DGKB: variants seen among roughly 807,000 people sequenced by gnomAD.
DGKB encodes 90 kDa diacylglycerol kinase.
A neutral mutation model predicts 114.3 loss-of-function variants in DGKB; 67 were observed. That is an observed-to-expected ratio of 0.59 (90% confidence interval 0.48 to 0.72). The LOEUF is 0.72. Ranked by LOEUF, DGKB falls within the 30% of genes least tolerant of loss-of-function variation. The probability of loss-of-function intolerance (pLI) is 0.00; values close to 1 mark genes in which losing one functional copy is unlikely to be tolerated. For synonymous variants in DGKB, 398 were observed against 323.1 expected, an observed-to-expected ratio of 1.23 and a Z score of -2.49; for missense variants, 907 against 975.2, an observed-to-expected ratio of 0.93 and a Z score of 0.93.
chr7:14,955,774 G>A (rs1203629139), intron 1 of DGKB, among the ~76,000 whole-genome samples: 1 of 152,056 alleles, frequency 6.6e-6, no homozygotes, highest in Non-Finnish European at 1.5e-5. Context: ...TCTCTTTAGA[G>A]AAAACTTCAC....
Position 14,694,157 on chromosome 7 carries a change from T to C in DGKB, c.629A>G (p.His210Arg), listed in dbSNP as rs1563931387. ...HEMMEEIDYD[H>R]DGTVSLEEWI... ...TTCCTCCAGAGACACGGTTCCATCA[T>C]GATCATAGTCAATTTCTTCCATCAT... Residue 210 changes from histidine to arginine, a missense_variant, in exon 9 of 26, where the codon CAT (histidine) becomes CGT (arginine). Coordinates refer to ENST00000402815, the MANE Select transcript of DGKB (RefSeq NM_001350709.2). The C allele has an allele frequency of 6.3e-7, 1 of 1,584,446 alleles. No individual in the cohort carries two copies. Among genetic ancestry groups the C allele is most frequent in the South Asian group, 1.2e-5 (1 of 86,746 alleles).
At chr7:14,605,868 A>G (rs1162115036) in intron 17 of DGKB, among the ~76,000 whole-genome samples, 1 of 152,158 alleles carries the variant, frequency 6.6e-6, no homozygotes, top group Non-Finnish European at 1.5e-5. Context: ...TATTTGCTTC[A>G]TAGGCATTAT....
chr7:14,883,870 A>C (rs962626964), intron 1 of DGKB, among the ~76,000 whole-genome samples: 8 of 151,994 alleles, frequency 5.3e-5, no homozygotes, highest in African/African-American at 1.9e-4. Flanking sequence ...AAACCCAATG[A>C]TACCCAACAA....
At position 14,470,106 on chromosome 7, in the gene DGKB, T is replaced by C. The variant is rs530260749; in HGVS notation, c.1835+8055A>G. On this transcript the variant is annotated intron_variant, in intron 21 of 25. Coordinates refer to ENST00000402815, the MANE Select transcript of DGKB (RefSeq NM_001350709.2). ...TTAGAATGAAAAATGAGTATGTTTC[T>C]TCTTTAAAAACACATCAATTCATTC... Among the ~76,000 whole-genome samples the C allele has an allele frequency of 5.1e-3, 780 of 152,014 alleles. 8 individuals are homozygous for C. The highest frequency in any genetic ancestry group is 0.017 in the African/African-American group (724 of 41,558).
chr7:14,805,642 G>A (rs1008518195), intron 2 of DGKB, among the ~76,000 whole-genome samples: 11 of 151,710 alleles, frequency 7.3e-5, no homozygotes, highest in African/African-American at 2.4e-4. Flanking sequence ...TTTAGTCCAT[G>A]GAGAAGTCTA....
Position 14,691,732 on chromosome 7 carries a change from G to T in DGKB, c.711+2343C>A, listed in dbSNP as rs754150411. ...AAGGGAAATTTCTTCTTTTAAAGTTGTTCTTTACAGAGATGGGGTGGGGGG... is the reference window on the plus strand; with the variant it reads ...AAGGGAAATTTCTTCTTTTAAAGTTTTTCTTTACAGAGATGGGGTGGGGGG... On this transcript the variant is annotated intron_variant, in intron 9 of 25. Coordinates refer to ENST00000402815, the MANE Select transcript of DGKB (RefSeq NM_001350709.2). Among the ~76,000 whole-genome samples, 207 of 151,750 alleles carry T rather than the reference G, an allele frequency of 1.4e-3. 3 individuals carry two copies. Among genetic ancestry groups the T allele is most frequent in the Non-Finnish European group, 4.4e-4 (30 of 67,926 alleles).
chr7:14,901,907 G>T (rs956746265), intron 1 of DGKB, among the ~76,000 whole-genome samples: 2 of 152,072 alleles, frequency 1.3e-5, no homozygotes, highest in Non-Finnish European at 2.9e-5. Flanking sequence ...TGGTTTCTAA[G>T]TATAGAGCCA....
At position 14,841,178 on chromosome 7, in the gene DGKB, C is replaced by A. The variant is rs1487902747; in HGVS notation, c.70+16G>T. 1.3e-6 allele frequency: 2 copies of A among 1,593,528 alleles called. No homozygotes were observed. The highest frequency in any genetic ancestry group is 1.1e-5 in the South Asian group (1 of 89,258). On this transcript the variant is annotated intron_variant, in intron 2 of 25. Transcript: ENST00000402815. ...CAAATGTCAAATAATCTCATAATAT[C>A]AATATGAATACTTACACTCAGCATA... is the stretch of plus-strand genomic sequence containing the variant.
intron 21 of DGKB, among the ~76,000 whole-genome samples, chr7:14,415,005 T>TA (rs1260086930): frequency 2.3e-3 from 313 of 133,740 alleles, no homozygotes; most frequent in Admixed American, 6.9e-3. Flanking sequence ...AAACAAAAAA[T>TA]AAAAAAAAAC....
chr7:14,833,434 ATTGAT>A (rs2128126177), intron 2 of DGKB, among the ~76,000 whole-genome samples: 1 of 152,238 alleles, frequency 6.6e-6, no homozygotes, highest in African/African-American at 2.4e-5. Context: ...TTTTATGAAG[ATTGAT>A]TTGTTAATAA....
At position 14,145,187 on chromosome 7, in the gene DGKB, C is replaced by G. The variant is rs1781351239; in HGVS notation, c.*3944G>C. The stretch of plus-strand genomic sequence containing the variant: ...AGAATCTCTCAAATGTGAGTTTACT[C>G]AAACTTTATTTAAATATAGCAGAAT... On this transcript the variant is annotated 3_prime_UTR_variant, in exon 26 of 26. Coordinates refer to ENST00000402815, the MANE Select transcript of DGKB (RefSeq NM_001350709.2). 6.6e-6 allele frequency: 1 copy of G among 152,090 alleles called. No homozygotes were observed. The highest frequency in any genetic ancestry group is 1.9e-4 in the East Asian group (1 of 5,196). 9.4% of individuals were successfully genotyped at this position (152,090 alleles called of 1,614,324 possible). A position where few individuals can be genotyped will look rare whatever the true frequency, so the allele number is the denominator to read the frequency against.
intron 17 of DGKB, among the ~76,000 whole-genome samples, chr7:14,593,833 A>AG (rs1160136091): frequency 6.6e-6 from 1 of 151,528 alleles, no homozygotes; most frequent in Non-Finnish European, 1.5e-5. Context: ...AAAAAGAAAA[A>AG]AACAACACAG....
At chr7:14,534,780 G>A (rs1002459501) in intron 20 of DGKB, among the ~76,000 whole-genome samples, 1 of 152,140 alleles carries the variant, frequency 6.6e-6, no homozygotes, top group African/African-American at 2.4e-5. Flanking sequence ...TATTCTCTGG[G>A]ATAAAGCACA....
At chr7:14,311,346 G>T (rs1474096448) in intron 23 of DGKB, among the ~76,000 whole-genome samples, 2 of 152,112 alleles carry the variant, frequency 1.3e-5, no homozygotes, top group Non-Finnish European at 2.9e-5. Context: ...TTGGTAGTTG[G>T]CAGATCCCCC....
chr7:14,346,153 A>C (rs1222254821), intron 21 of DGKB, among the ~76,000 whole-genome samples: 3 of 151,760 alleles, frequency 2.0e-5, no homozygotes, highest in Non-Finnish European at 4.4e-5. Context: ...GTATTCGAGT[A>C]TGTCTCTCAT....
intron 21 of DGKB, among the ~76,000 whole-genome samples, chr7:14,393,373 T>C (rs1327711444): frequency 6.6e-6 from 1 of 152,156 alleles, no homozygotes; most frequent in Non-Finnish European, 1.5e-5. Flanking sequence ...TTAAGCAAAA[T>C]GTTACTTCCC....
intron 20 of DGKB, among the ~76,000 whole-genome samples, chr7:14,562,055 G>A (rs1796733856): frequency 6.6e-6 from 1 of 152,186 alleles, no homozygotes; most frequent in African/African-American, 2.4e-5. Context: ...GGTACCCCAT[G>A]TCTCAGCTAC....
rs67874011 is a variant in DGKB, at chr7:14,250,131, TA to T, written c.2123-71981del. Among the ~76,000 whole-genome samples the T allele has an allele frequency of 6.0e-3, 375 of 62,508 alleles. 3 individuals carry two copies. The highest frequency in any genetic ancestry group is 0.027 in the Middle Eastern group (3 of 112). 41.0% of individuals were successfully genotyped at this position (62,508 alleles called of 152,430 possible). A position where few individuals can be genotyped will look rare whatever the true frequency, so the allele number is the denominator to read the frequency against. ...TACCACACTTGGCTATATATATATA[TA>T]TTTTTTTTTTTTTTTTGGTAGAAAT... On this transcript the variant is annotated intron_variant, in intron 23 of 25. Transcript: ENST00000402815.
At chr7:14,651,299 C>G (rs929545626) in intron 13 of DGKB, among the ~76,000 whole-genome samples, 3 of 152,006 alleles carry the variant, frequency 2.0e-5, no homozygotes, top group Non-Finnish European at 4.4e-5. Context: ...GCTTATCCAC[C>G]ATGATCAAGT....
Sources: gnomAD v4.1 joint callset for allele counts (sites outside exome capture counted in the v4.1 genomes callset) on GRCh38, gnomAD v4.1.1 for gene constraint, MANE v1.5 for transcripts, NCBI Gene and HGNC (gene_info 2026-07-23, HGNC 2026-07-21) for gene names.